The following OLA1 variants were observed in gnomAD, a reference collection of about 807,000 sequenced individuals.
OLA1 encodes obg-like ATPase 1.
OLA1 carries 14 observed loss-of-function variants against 48.4 expected under a neutral mutation model. The observed-to-expected ratio is 0.29, with a 90% CI of 0.19 to 0.45. The LOEUF (loss-of-function observed/expected upper bound fraction) is 0.45, where lower values mean the gene tolerates loss of function less well. Among genes scored for constraint, OLA1 ranks in the 20% least tolerant of loss-of-function variants. The probability of loss-of-function intolerance (pLI) is 1.00; values close to 1 mark genes in which losing one functional copy is unlikely to be tolerated. For missense variants in OLA1, 325 were observed against 467.1 expected, an observed-to-expected ratio of 0.70 and a Z score of 2.80; for synonymous variants, 127 against 150.4, an observed-to-expected ratio of 0.84 and a Z score of 1.14.
intron 4 of OLA1, among the ~76,000 whole-genome samples, chr2:174,146,659 G>C (rs1445458179): frequency 6.6e-6 from 1 of 152,170 alleles, no homozygotes; most frequent in Admixed American, 6.5e-5. Flanking sequence ...TAAAGTCAGA[G>C]AAAAACTAGG....
chr2:174,073,696 T>G lies in OLA1; in HGVS notation c.*1730A>C, dbSNP rs1444185031. On this transcript the variant is annotated 3_prime_UTR_variant, in exon 11 of 11. Coordinates refer to ENST00000284719, the MANE Select transcript of OLA1 (RefSeq NM_013341.5). ...GTCTTTTTACTGATTTCAAACTTCT[T>G]TAAGAAGTCCATGCAATTTACTTTG... is the stretch of plus-strand genomic sequence containing the variant. 1 of 152,208 alleles carries G rather than the reference T, an allele frequency of 6.6e-6. No homozygotes were observed. Among genetic ancestry groups the G allele is most frequent in the Non-Finnish European group, 1.5e-5 (1 of 68,036 alleles). 9.4% of individuals were successfully genotyped at this position (152,208 alleles called of 1,614,324 possible).
At chr2:174,153,428 T>G (rs891804392) in intron 4 of OLA1, among the ~76,000 whole-genome samples, 1 of 152,114 alleles carries the variant, frequency 6.6e-6, no homozygotes, top group Non-Finnish European at 1.5e-5. Flanking sequence ...TGAAAAACAT[T>G]AAAATTGGAG....
intron 2 of OLA1, among the ~76,000 whole-genome samples, chr2:174,244,579 T>C (rs1271424585): frequency 6.6e-6 from 1 of 152,150 alleles, no homozygotes; most frequent in Non-Finnish European, 1.5e-5. Flanking sequence ...AATAGTTGTT[T>C]ACTATTTTTT....
rs779214032 is a variant in OLA1 at position 174,075,253 on chromosome 2, T to TGGA, written c.*172_*173insTCC. 5.0e-4 allele frequency: 159 copies of TGGA among 319,078 alleles called. 2 individuals are homozygous for TGGA. Among genetic ancestry groups the TGGA allele is most frequent in the Middle Eastern group, 2.5e-3 (3 of 1,186 alleles). 19.8% of individuals were successfully genotyped at this position (319,078 alleles called of 1,614,324 possible). ...TCACATTTAGTGAACCTGCATTTCA[T>TGGA]GGGGGGGGGGGGGTACACAGTATTT... On this transcript the variant is annotated 3_prime_UTR_variant, in exon 11 of 11. Coordinates refer to ENST00000284719, the MANE Select transcript of OLA1 (RefSeq NM_013341.5).
rs1685449887 is a variant in OLA1 at position 174,103,768 on chromosome 2, G to A, written c.728+19412C>T. ...TCTCATGGAATTTAAATTCTTACAA[G>A]ACAAAAAACAAAACAAAAACAAGAG... On this transcript the variant is annotated intron_variant, in intron 7 of 10. Transcript: ENST00000284719. Among the ~76,000 whole-genome samples the A allele has an allele frequency of 2.0e-5, 3 of 151,928 alleles. No homozygotes were observed. The South Asian group carries it at 6.2e-4, about 32-fold the overall frequency.
rs562297257 is a variant in OLA1, at chr2:174,168,460, T to C, written c.374-26460A>G. Among the ~76,000 whole-genome samples, 5 of 152,152 alleles carry C rather than the reference T, an allele frequency of 3.3e-5. No homozygotes were observed. In the East Asian group the frequency reaches 9.7e-4, roughly 29 times the overall value. On this transcript the variant is annotated intron_variant, in intron 4 of 10. Coordinates refer to ENST00000284719, the MANE Select transcript of OLA1 (RefSeq NM_013341.5). Reference sequence around the variant, plus strand: ...AACCTAGAATCGCCATAATGTAACATTCATAATGTCCAGGATACAATCTAA... The same window carrying C: ...AACCTAGAATCGCCATAATGTAACACTCATAATGTCCAGGATACAATCTAA...
chr2:174,202,535 G>T (rs1427346952), intron 4 of OLA1, among the ~76,000 whole-genome samples: 1 of 152,022 alleles, frequency 6.6e-6, no homozygotes, highest in Admixed American at 6.6e-5. Flanking sequence ...TAACACCATG[G>T]GAGCCATACC....
At chr2:174,213,460 A>T (rs1688289409) in intron 4 of OLA1, among the ~76,000 whole-genome samples, 1 of 152,198 alleles carries the variant, frequency 6.6e-6, no homozygotes, top group Non-Finnish European at 1.5e-5. Flanking sequence ...TAAAAAGTTA[A>T]GAATCTTTAC....
intron 4 of OLA1, among the ~76,000 whole-genome samples, chr2:174,190,755 T>C (rs1325045899): frequency 6.6e-6 from 1 of 151,686 alleles, no homozygotes; most frequent in Non-Finnish European, 1.5e-5. Context: ...AGGACAAAAA[T>C]ATACCTTAGC....
chr2:174,244,790 A>G (rs906081960), intron 2 of OLA1, among the ~76,000 whole-genome samples: 22 of 151,644 alleles, frequency 1.5e-4, no homozygotes, highest in African/African-American at 4.4e-4. Flanking sequence ...ATGTCCGGCT[A>G]ATTTTTGTTG....
At chr2:174,091,252 T>C (rs1177587390) in intron 7 of OLA1, among the ~76,000 whole-genome samples, 1 of 152,242 alleles carries the variant, frequency 6.6e-6, no homozygotes, top group Non-Finnish European at 1.5e-5. Context: ...TTCTGAGTTC[T>C]GTAAAAGGAT....
chr2:174,242,230 T>A (rs1241478929), intron 2 of OLA1, among the ~76,000 whole-genome samples: 1 of 152,106 alleles, frequency 6.6e-6, no homozygotes. Context: ...GGACCAAGGG[T>A]GTGGGGGATG....
At chr2:174,154,975 CT>C (rs1686838831) in intron 4 of OLA1, among the ~76,000 whole-genome samples, 2 of 152,050 alleles carry the variant, frequency 1.3e-5, no homozygotes, top group Non-Finnish European at 2.9e-5. Context: ...TTACTTCTGC[CT>C]TTCAAAAAAA....
At chr2:174,171,081 T>C (rs957547774) in intron 4 of OLA1, among the ~76,000 whole-genome samples, 1 of 152,200 alleles carries the variant, frequency 6.6e-6, no homozygotes, top group African/African-American at 2.4e-5. Flanking sequence ...ACATAAGGCA[T>C]AATATACACA....
At chr2:174,182,720 T>G (rs1204017460) in intron 4 of OLA1, among the ~76,000 whole-genome samples, 1 of 152,136 alleles carries the variant, frequency 6.6e-6, no homozygotes, top group East Asian at 1.9e-4. Context: ...AACCCACTGT[T>G]TTCATCCCTC....
At chr2:174,223,776 A>C (rs931948809) in intron 3 of OLA1, among the ~76,000 whole-genome samples, 1 of 151,506 alleles carries the variant, frequency 6.6e-6, no homozygotes. Flanking sequence ...AAAAAAAAAA[A>C]AAAAAAAAAA....
At chr2:174,087,321 C>T (rs992695343) in intron 7 of OLA1, among the ~76,000 whole-genome samples, 3 of 152,010 alleles carry the variant, frequency 2.0e-5, no homozygotes, top group African/African-American at 4.8e-5. Context: ...CCACTGCACT[C>T]GGCCCCTATT....
chr2:174,238,065 A>C (rs1195483177), intron 2 of OLA1, among the ~76,000 whole-genome samples: 1 of 152,240 alleles, frequency 6.6e-6, no homozygotes, highest in Non-Finnish European at 1.5e-5. Context: ...GCATCCCAGA[A>C]AGGGAATAAA....
chr2:174,130,282 C>T (rs1442599509), intron 5 of OLA1, among the ~76,000 whole-genome samples: 1 of 152,056 alleles, frequency 6.6e-6, no homozygotes, highest in Non-Finnish European at 1.5e-5. Context: ...ACCTGAATGA[C>T]TGAAACTCCC....
Sources: gnomAD v4.1 joint callset for allele counts (sites outside exome capture counted in the v4.1 genomes callset) on GRCh38, gnomAD v4.1.1 for gene constraint, MANE v1.5 for transcripts, NCBI Gene and HGNC (gene_info 2026-07-23, HGNC 2026-07-21) for gene names.